The following CAPS2 variants were observed in gnomAD, a reference collection of about 807,000 sequenced individuals.
CAPS2 encodes the protein calcyphosine 2.
A neutral mutation model predicts 86.5 loss-of-function variants in CAPS2; 98 were observed. The ratio of observed to expected loss-of-function variants is 1.13; its 90% confidence interval spans 0.96 to 1.34. CAPS2 has a LOEUF of 1.34. Among genes scored for constraint, CAPS2 ranks in the 40% most tolerant of loss-of-function variants. The pLI is 0.00. For missense variants in CAPS2, 729 were observed against 686.8 expected (o/e 1.06, Z -0.69); for synonymous variants, 210 against 225.1 (o/e 0.93, Z 0.60).
chr12:75,368,688 T>C (rs2139682568), intron 1 of CAPS2, among the ~76,000 whole-genome samples: 1 of 152,124 alleles, frequency 6.6e-6, no homozygotes, highest in Middle Eastern at 3.4e-3. Context: ...GACTTCAAGT[T>C]TGTATTAGAC....
chr12:75,299,981 A>G lies in CAPS2; in HGVS notation c.780-70T>C, dbSNP rs551696052. On this transcript the variant is annotated intron_variant, in intron 8 of 16. Transcript: ENST00000393284. ...AACTTGATGGAAATTGTAAATGTAC[A>G]AAAAAAGTTATGTTAATATTTTGAA... 69 of 602,420 alleles carry G rather than the reference A, an allele frequency of 1.1e-4. No individual in the cohort carries two copies. The South Asian group carries it at 1.7e-3, about 15-fold the overall frequency. The allele number at this position is 602,420 out of a possible 1,614,324, so 37.3% of individuals were successfully genotyped here. A position where few individuals can be genotyped will look rare whatever the true frequency, so the allele number is the denominator to read the frequency against.
chr12:75,296,779 G>C (rs1206796500), intron 11 of CAPS2, among the ~76,000 whole-genome samples: 3 of 152,172 alleles, frequency 2.0e-5, no homozygotes, highest in African/African-American at 7.2e-5. Flanking sequence ...AAAAAAAAGA[G>C]GGATAGGGTT....
chr12:75,276,233 T>C (rs375947473), downstream of CAPS2: 1 of 1,544,872 alleles, frequency 6.5e-7, no homozygotes, highest in Non-Finnish European at 8.7e-7. Context: ...TTCATGTTTG[T>C]CCTTGCTGGT....
chr12:75,385,651 A>G, intron 1 of CAPS2, among the ~76,000 whole-genome samples: 1 of 152,240 alleles, frequency 6.6e-6, no homozygotes, highest in Middle Eastern at 3.2e-3. Flanking sequence ...GATTGAGAAG[A>G]AATAAAAATG....
intron 1 of CAPS2, among the ~76,000 whole-genome samples, chr12:75,335,169 A>G (rs1220953576): frequency 6.6e-6 from 1 of 152,160 alleles, no homozygotes; most frequent in East Asian, 1.9e-4. Context: ...TTGCACCACT[A>G]AAGTTATAAG....
intron 7 of CAPS2, among the ~76,000 whole-genome samples, chr12:75,308,149 T>G (rs559872202): frequency 6.6e-6 from 1 of 152,210 alleles, no homozygotes; most frequent in Non-Finnish European, 1.5e-5. Flanking sequence ...CAGCCTCTGA[T>G]TGGTCACTTT....
intron 6 of CAPS2, among the ~76,000 whole-genome samples, chr12:75,315,743 G>C (rs1465275314): frequency 6.6e-6 from 1 of 152,082 alleles, no homozygotes; most frequent in Non-Finnish European, 1.5e-5. Context: ...GGTTTCTGGG[G>C]TGGTCAGTGA....
At position 75,291,775 on chromosome 12, in the gene CAPS2, G is replaced by A. The variant is rs1269058113; in HGVS notation, c.1209C>T (p.Thr403=). 3.8e-6 allele frequency: 6 copies of A among 1,564,382 alleles called. No individual in the cohort carries two copies. In the African/African-American group the frequency reaches 8.2e-5, roughly 21 times the overall value. Residue 403 remains threonine, a synonymous_variant, in exon 13 of 17, where the codon ACC becomes ACT. Transcript: ENST00000393284. ...TTGCTTTGAAGACCAGCCTATCATT[G>A]GTTTCTTGAATGATTATATCATCCT...
At chr12:75,277,148 A>G, downstream of CAPS2, 2 of 983,560 alleles carry the variant, frequency 2.0e-6, no homozygotes, top group Non-Finnish European at 1.2e-6. Context: ...TGTTAGGAAG[A>G]TTAAGATTAA....
upstream of CAPS2, among the ~76,000 whole-genome samples, chr12:75,326,905 G>A (rs1272409086): frequency 2.0e-5 from 3 of 152,176 alleles, no homozygotes; most frequent in Non-Finnish European, 2.9e-5. Context: ...CAGAGAAGAT[G>A]TAAGGATGGA....
At chr12:75,340,286 A>G (rs1320650735) in intron 1 of CAPS2, among the ~76,000 whole-genome samples, 2 of 151,860 alleles carry the variant, frequency 1.3e-5, no homozygotes, top group Non-Finnish European at 2.9e-5. Context: ...GTCTTTTTCA[A>G]AAAACGACGT....
chr12:75,278,890 C>T (rs202122038), exon 17 of CAPS2: 191 of 1,553,332 alleles, frequency 1.2e-4, no homozygotes, highest in Non-Finnish European at 4.8e-5. Context: ...TTATTAAAGA[C>T]TAAATCCCCC....
chr12:75,365,521 T>A (rs2043906280), intron 1 of CAPS2, among the ~76,000 whole-genome samples: 1 of 152,146 alleles, frequency 6.6e-6, no homozygotes, highest in Admixed American at 6.5e-5. Context: ...GAAACAAACA[T>A]TATTTACCTT....
In CAPS2 at chr12:75,390,736, A is replaced by C. The variant is rs1332762249; in HGVS notation, c.-395+102T>G. Reference sequence around the variant, plus strand: ...TGTTACTCAGCAATTGGCATTTACCATACAAACTGATGACTCATTAATAAC... The same window carrying C: ...TGTTACTCAGCAATTGGCATTTACCCTACAAACTGATGACTCATTAATAAC... On this transcript the variant is annotated intron_variant, in intron 1 of 5. Coordinates refer to the CAPS2 transcript ENST00000551829. The C allele has an allele frequency of 8.3e-6, 4 of 479,990 alleles. No homozygotes were observed. In the East Asian group the frequency reaches 2.6e-4, roughly 31 times the overall value. 29.7% of individuals were successfully genotyped at this position (479,990 alleles called of 1,614,324 possible). A position where few individuals can be genotyped will look rare whatever the true frequency, so the allele number is the denominator to read the frequency against.
chr12:75,303,847 T>C (rs185312035), intron 8 of CAPS2, among the ~76,000 whole-genome samples: 21 of 152,248 alleles, frequency 1.4e-4, no homozygotes, highest in Admixed American at 3.9e-4. Context: ...AATGTATCTA[T>C]AGAAAAAGAG....
chr12:75,358,341 A>G (rs1565992394), intron 1 of CAPS2, among the ~76,000 whole-genome samples: 1 of 151,958 alleles, frequency 6.6e-6, no homozygotes, highest in Non-Finnish European at 1.5e-5. Flanking sequence ...AAATTTAGCT[A>G]TTGAATCCAA....
At chr12:75,354,173 G>T (rs578039760) in intron 1 of CAPS2, among the ~76,000 whole-genome samples, 3 of 144,360 alleles carry the variant, frequency 2.1e-5, no homozygotes, top group South Asian at 2.4e-4. Flanking sequence ...AAAAGGGGGG[G>T]GGGTATTCAA....
At chr12:75,346,273 T>G (rs148900597) in intron 1 of CAPS2, among the ~76,000 whole-genome samples, 308 of 152,328 alleles carry the variant, frequency 2.0e-3, no homozygotes, top group East Asian at 5.0e-3. Context: ...GTTTAAAACA[T>G]TCAAAAGGAA....
At chr12:75,318,759 T>C (rs1025211051) in intron 5 of CAPS2, among the ~76,000 whole-genome samples, 4 of 151,800 alleles carry the variant, frequency 2.6e-5, no homozygotes, top group South Asian at 2.1e-4. Flanking sequence ...AATCATTCCA[T>C]TGATTGATTT....
Sources: allele counts gnomAD v4.1 joint callset (sites outside exome capture counted in the v4.1 genomes callset), GRCh38; gene constraint gnomAD v4.1.1; transcripts MANE v1.5; gene names NCBI Gene and HGNC (gene_info 2026-07-23, HGNC 2026-07-21).